MTPAP: variants seen among roughly 807,000 people sequenced by gnomAD.
MTPAP encodes mitochondrial poly(A) polymerase, also known as poly(A) RNA polymerase, mitochondrial.
In MTPAP, 23 loss-of-function variants were observed where a neutral mutation model predicts 48.7. The observed-to-expected ratio is 0.47, with a 90% CI of 0.34 to 0.67. The LOEUF is 0.67. MTPAP is among the 30% of genes least tolerant of loss of function. The probability of loss-of-function intolerance (pLI) is 0.01; values close to 1 mark genes in which losing one functional copy is unlikely to be tolerated. For missense variants in MTPAP, 614 were observed against 694.3 expected, an observed-to-expected ratio of 0.88 and a Z score of 1.30; for synonymous variants, 257 against 254.1, an observed-to-expected ratio of 1.01 and a Z score of -0.11.
chr10:30,348,476 TA>T lies in MTPAP; in HGVS notation c.157+642del, dbSNP rs563567825. ...ATCGTTTTAAGAACTGTAAATAGAA[TA>T]CACAAGCTCTTGAGTCACAAGAGAG... On this transcript the variant is annotated intron_variant, in intron 1 of 8. Coordinates refer to ENST00000263063, the MANE Select transcript of MTPAP (RefSeq NM_018109.4). 9.2e-5 allele frequency among the ~76,000 whole-genome samples: 14 copies of T among 152,334 alleles called. No individual in the cohort carries two copies. In the East Asian group the frequency reaches 2.7e-3, roughly 29 times the overall value.
intron 1 of MTPAP, among the ~76,000 whole-genome samples, chr10:30,344,992 T>C (rs953803291): frequency 7.9e-5 from 12 of 152,252 alleles, no homozygotes; most frequent in South Asian, 2.1e-4. Flanking sequence ...GCGTGAGCCA[T>C]GGCGCCCGGC....
chr10:30,331,442 G>A (rs1834664573), intron 4 of MTPAP, among the ~76,000 whole-genome samples: 1 of 152,142 alleles, frequency 6.6e-6, no homozygotes, highest in Non-Finnish European at 1.5e-5. Flanking sequence ...AAAGACCAAA[G>A]GCAGATTTTA....
intron 6 of MTPAP, 113 bp from the exon 7 acceptor site, chr10:30,316,323 G>T: frequency 1.2e-6 from 1 of 803,686 alleles, no homozygotes. Context: ...GCTCAATGCA[G>T]CCTCCACCTC....
chr10:30,326,531 A>G lies in MTPAP; in HGVS notation c.885T>C (p.Phe295=). The G allele has an allele frequency of 6.2e-7, 1 of 1,614,186 alleles. No individual in the cohort carries two copies. Among genetic ancestry groups the G allele is most frequent in the South Asian group, 1.1e-5 (1 of 91,082 alleles). The part of the protein sequence containing the change: ...LSVLGECLDH[F]GPGCVGVQKI... ...TTTGCACACCCACACAGCCAGGGCC[A>G]AAGTGGTCAAGGCACTCTCCTAACA... The change falls in exon 5 of 9, where the codon TTT becomes TTC. Residue 295 remains phenylalanine, a synonymous_variant. Coordinates refer to ENST00000263063, the MANE Select transcript of MTPAP (RefSeq NM_018109.4).
intron 1 of MTPAP, among the ~76,000 whole-genome samples, chr10:30,343,860 C>T (rs899776648): frequency 2.6e-5 from 4 of 152,208 alleles, no homozygotes; most frequent in African/African-American, 9.7e-5. Context: ...GACGCCACCA[C>T]GCCAAGCCTG....
At chr10:30,326,350 G>A (rs1834597385) in intron 5 of MTPAP, 74 bp downstream of exon 5, 1 of 1,365,694 alleles carries the variant, frequency 7.3e-7, no homozygotes, top group Non-Finnish European at 1.0e-6. Context: ...CAAAGCCACT[G>A]TTTCTGTGTG....
Position 30,322,610 on chromosome 10 carries a change from A to C in MTPAP, c.1000T>G (p.Leu334Val). The change falls in exon 6 of 9, where the codon TTG (leucine) becomes GTG (valine). Residue 334 changes from leucine (L) to valine (V), a missense_variant. Coordinates refer to ENST00000263063, the MANE Select transcript of MTPAP (RefSeq NM_018109.4). ...CDLTTNNRIA[L>V]TSSELLYIYG... Reference sequence around the variant, plus strand: ...ATATAAAGGAGTTCGGAACTTGTCAAGGCAATCCTTCAAAAAATAAAAATA... The same window carrying C: ...ATATAAAGGAGTTCGGAACTTGTCACGGCAATCCTTCAAAAAATAAAAATA... 2 of 1,608,714 alleles carry C rather than the reference A, an allele frequency of 1.2e-6. No homozygotes were observed. Among genetic ancestry groups the C allele is most frequent in the Middle Eastern group, 1.7e-4 (1 of 6,056 alleles).
rs575218154 is a variant in MTPAP, at chr10:30,322,308, G to A, written c.1219+83C>T. The stretch of plus-strand genomic sequence containing the variant: ...AAATTTTATGACTAATAAACAAATA[G>A]ACGGGACTTTGGTAACACATGGTAA... On this transcript the variant is annotated intron_variant, in intron 6 of 8. Coordinates refer to ENST00000263063, the MANE Select transcript of MTPAP (RefSeq NM_018109.4). 170 of 1,174,850 alleles carry A rather than the reference G, an allele frequency of 1.4e-4. 1 individual carries two copies. In the South Asian group the frequency reaches 2.1e-3, roughly 14 times the overall value. 72.8% of individuals were successfully genotyped at this position (1,174,850 alleles called of 1,614,324 possible). A position where few individuals can be genotyped will look rare whatever the true frequency, so the allele number is the denominator to read the frequency against.
At chr10:30,326,372 G>A in intron 5 of MTPAP, 52 bp downstream of exon 5, 1 of 1,486,606 alleles carries the variant, frequency 6.7e-7, no homozygotes, top group Non-Finnish European at 9.3e-7. Flanking sequence ...GAAACACTAA[G>A]CTAATATATC....
intron 3 of MTPAP, among the ~76,000 whole-genome samples, chr10:30,338,022 G>A (rs1465171757): frequency 6.6e-6 from 1 of 152,156 alleles, no homozygotes; most frequent in Non-Finnish European, 1.5e-5. Flanking sequence ...ACTACTGGGA[G>A]GCCAAGGCGG....
rs790759 is a variant in MTPAP, at chr10:30,312,008, T to A, written c.*1601A>T. Reference sequence around the variant, plus strand: ...CTAAAACTACAAAAATTAGCTGGGCTTGGTGGTGGGCGCCTGTAATCCCAG... The same window carrying A: ...CTAAAACTACAAAAATTAGCTGGGCATGGTGGTGGGCGCCTGTAATCCCAG... On this transcript the variant is annotated 3_prime_UTR_variant, in exon 9 of 9. Coordinates refer to ENST00000263063, the MANE Select transcript of MTPAP (RefSeq NM_018109.4). 0.78 allele frequency: 119,171 copies of A among 152,320 alleles called. 47,005 individuals carry two copies. Among genetic ancestry groups the A allele is most frequent in the African/African-American group, 0.88 (36,724 of 41,538 alleles). The allele number at this position is 152,320 out of a possible 1,614,324, so 9.4% of individuals were successfully genotyped here. A position where few individuals can be genotyped will look rare whatever the true frequency, so the allele number is the denominator to read the frequency against.
chr10:30,327,717 G>A (rs2132855307), intron 4 of MTPAP, among the ~76,000 whole-genome samples: 1 of 150,762 alleles, frequency 6.6e-6, no homozygotes, highest in South Asian at 2.1e-4. Flanking sequence ...ATGGTGGCAT[G>A]CACCTGTAAA....
intron 5 of MTPAP, among the ~76,000 whole-genome samples, chr10:30,323,514 G>GTATTTATTTA (rs1840752297): frequency 6.7e-6 from 1 of 150,104 alleles, no homozygotes; most frequent in African/African-American, 2.4e-5. Flanking sequence ...GAATATGTAT[G>GTATTTATTTA]TATTTATTTA....
chr10:30,321,588 G>A (rs1235417467), intron 6 of MTPAP, among the ~76,000 whole-genome samples: 2 of 152,226 alleles, frequency 1.3e-5, no homozygotes, highest in African/African-American at 2.4e-5. Context: ...ATAAAGAGGA[G>A]TAGGGAAGAG....
chr10:30,342,533 C>T (rs1039023627), intron 1 of MTPAP, among the ~76,000 whole-genome samples: 9 of 83,400 alleles, frequency 1.1e-4, no homozygotes, highest in African/African-American at 3.2e-4. Context: ...GTGCTGAAAA[C>T]GGAGTTCCAC....
intron 1 of MTPAP, among the ~76,000 whole-genome samples, chr10:30,342,547 A>C (rs1349242772): frequency 7.2e-5 from 5 of 69,476 alleles, no homozygotes; most frequent in African/African-American, 2.5e-4. Flanking sequence ...GTTCCACAAA[A>C]AAAAAAAAAA....
chr10:30,318,062 T>C (rs1840681549), intron 6 of MTPAP, among the ~76,000 whole-genome samples: 1 of 152,188 alleles, frequency 6.6e-6, no homozygotes, highest in Admixed American at 6.6e-5. Flanking sequence ...TTTCACTATA[T>C]TGGCCAGGCT....
chr10:30,325,202 A>C (rs1424727848), intron 5 of MTPAP, among the ~76,000 whole-genome samples: 1 of 152,188 alleles, frequency 6.6e-6, no homozygotes, highest in East Asian at 1.9e-4. Context: ...ATAATGATAG[A>C]AAGTACAGTA....
rs1436830934 is a variant in MTPAP, at chr10:30,338,304, A to AT, written c.556-1278dup. Among the ~76,000 whole-genome samples, 17 of 151,790 alleles carry AT rather than the reference A, an allele frequency of 1.1e-4. 1 individual carries two copies. In the East Asian group the frequency reaches 2.9e-3, roughly 26 times the overall value. On this transcript the variant is annotated intron_variant, in intron 3 of 8. Coordinates refer to ENST00000263063, the MANE Select transcript of MTPAP (RefSeq NM_018109.4). Reference sequence around the variant, plus strand: ...CATAACATAACAACATAACATTAACATAACAACATAACATTAACATAACAT... The same window carrying AT: ...CATAACATAACAACATAACATTAACATTAACAACATAACATTAACATAACAT...
Sources: gnomAD v4.1 joint callset for allele counts (sites outside exome capture counted in the v4.1 genomes callset) on GRCh38, gnomAD v4.1.1 for gene constraint, MANE v1.5 for transcripts, NCBI Gene and HGNC (gene_info 2026-07-23, HGNC 2026-07-21) for gene names.